CNTN6: variants seen among roughly 807,000 people sequenced by gnomAD.
The protein encoded by CNTN6 is contactin-6.
CNTN6 carries 137 observed loss-of-function variants against 122.8 expected under a neutral mutation model. The ratio of observed to expected loss-of-function variants is 1.12; its 90% CI spans 0.97 to 1.29. The LOEUF (loss-of-function observed/expected upper bound fraction) is 1.29, where lower values mean the gene tolerates loss of function less well. CNTN6 is among the 50% of genes most tolerant of loss of function. The pLI is 0.00. For synonymous variants in CNTN6, 570 were observed against 426.0 expected (o/e 1.34, Z -4.16); for missense variants, 1,634 against 1,223.4 (o/e 1.34, Z -5.01).
At chr3:1,223,082 T>C (rs2094230425) in intron 3 of CNTN6, among the ~76,000 whole-genome samples, 1 of 152,170 alleles carries the variant, frequency 6.6e-6, no homozygotes, top group African/African-American at 2.4e-5. Flanking sequence ...TAAATTTTAT[T>C]TTTTAAAAAG....
chr3:1,118,504 C>T lies in CNTN6; in HGVS notation c.-83+25384C>T, dbSNP rs950152793. On this transcript the variant is annotated intron_variant, in intron 1 of 22. Transcript: ENST00000446702. Reference sequence around the variant, plus strand: ...AATTCACTGATCCAAAGTCCTAAGTCCCCCAATAATGTCCTTTTTCTGTAA... The same window carrying T: ...AATTCACTGATCCAAAGTCCTAAGTTCCCCAATAATGTCCTTTTTCTGTAA... Among the ~76,000 whole-genome samples, 8 of 152,100 alleles carry T rather than the reference C, an allele frequency of 5.3e-5. No homozygotes were observed. In the South Asian group the frequency reaches 1.2e-3, roughly 24 times the overall value.
chr3:1,291,910 A>G lies in CNTN6; in HGVS notation c.455-3691A>G, dbSNP rs1009205023. ...AAAGCATTTTTCAAAAATTAAAAGCAAATTGCATTTATGCATACTTGATCC... is the reference window on the plus strand; with the variant it reads ...AAAGCATTTTTCAAAAATTAAAAGCGAATTGCATTTATGCATACTTGATCC... On this transcript the variant is annotated intron_variant, in intron 5 of 22. Transcript: ENST00000446702. Among the ~76,000 whole-genome samples, 10 of 152,216 alleles carry G rather than the reference A, an allele frequency of 6.6e-5. 1 individual carries two copies. Among genetic ancestry groups the G allele is most frequent in the Admixed American group, 6.5e-4 (10 of 15,286 alleles).
chr3:1,398,590 A>C (rs925300749), intron 20 of CNTN6, among the ~76,000 whole-genome samples: 2 of 152,140 alleles, frequency 1.3e-5, no homozygotes, highest in Non-Finnish European at 2.9e-5. Flanking sequence ...ATAACACCAC[A>C]GTGGAGAACT....
chr3:1,283,888 T>C lies in CNTN6; in HGVS notation c.454+5380T>C, dbSNP rs531639762. Among the ~76,000 whole-genome samples the C allele has an allele frequency of 7.5e-3, 1,142 of 152,256 alleles. 13 individuals are homozygous for C. The highest frequency in any genetic ancestry group is 0.012 in the South Asian group (57 of 4,824). On this transcript the variant is annotated intron_variant, in intron 5 of 22. Coordinates refer to ENST00000446702, the MANE Select transcript of CNTN6 (RefSeq NM_001289080.2). ...GGTGGCAGGCGCCTGTAATCCCAGC[T>C]ACTCTGGGGCTGAGGCAGGAGAATC... is the stretch of plus-strand genomic sequence containing the variant.
At chr3:1,368,888 A>G (rs1708597374) in intron 12 of CNTN6, among the ~76,000 whole-genome samples, 1 of 152,148 alleles carries the variant, frequency 6.6e-6, no homozygotes, top group African/African-American at 2.4e-5. Context: ...CTTTTTCAAA[A>G]AAGACACCCC....
intron 4 of CNTN6, among the ~76,000 whole-genome samples, chr3:1,267,181 T>C (rs1428036258): frequency 6.6e-6 from 1 of 152,042 alleles, no homozygotes; most frequent in Non-Finnish European, 1.5e-5. Flanking sequence ...AGACTCTGTT[T>C]GCTTGCTCTT....
rs117221017 is a variant in CNTN6 at position 1,230,909 on chromosome 3, G to T, written c.358+2916G>T. 2.8e-3 allele frequency among the ~76,000 whole-genome samples: 431 copies of T among 152,272 alleles called. 6 individuals carry two copies. In the East Asian group the frequency reaches 0.049, roughly 17 times the overall value. ...CTTCAGGACAGAATGGGTCAAATAA[G>T]CCTGGTAGTAGAGGCTGGTGATTCC... On this transcript the variant is annotated intron_variant, in intron 4 of 22. Coordinates refer to ENST00000446702, the MANE Select transcript of CNTN6 (RefSeq NM_001289080.2).
At chr3:1,364,512 A>AAAC (rs138744656) in intron 12 of CNTN6, among the ~76,000 whole-genome samples, 5,289 of 151,886 alleles carry the variant, frequency 0.035, 130 homozygotes, top group South Asian at 0.056. Flanking sequence ...GAAGGAAAAA[A>AAAC]AAAACAAAAC....
rs117193774 is a variant in CNTN6 at position 1,308,877 on chromosome 3, A to G, written c.761+10886A>G. Among the ~76,000 whole-genome samples the G allele has an allele frequency of 2.2e-4, 34 of 152,246 alleles. No homozygotes were observed. The East Asian group carries it at 6.6e-3, about 29-fold the overall frequency. ...TTGTTGTTTTAATTGGTAATTCTCT[A>G]ACGGCAAAGGATGTGAACATCTTTT... On this transcript the variant is annotated intron_variant, in intron 7 of 22. Coordinates refer to ENST00000446702, the MANE Select transcript of CNTN6 (RefSeq NM_001289080.2).
Position 1,373,973 on chromosome 3 carries a change from G to T in CNTN6, c.1995G>T (p.Leu665Phe), listed in dbSNP as rs1709492187. The T allele has an allele frequency of 6.2e-7, 1 of 1,613,090 alleles. No individual in the cohort carries two copies. Among genetic ancestry groups the T allele is most frequent in the Non-Finnish European group, 8.5e-7 (1 of 1,179,412 alleles). ...CATACAATGCAACAGTGGTTGGTTT[G>T]AGTCCTTGGGTGGAATATGAATTTC... ...GKTYNATVVG[L>F]SPWVEYEFRV... is the part of the protein sequence containing the mutation. Residue 665 changes from leucine to phenylalanine, a missense_variant, in exon 16 of 23, where the codon TTG (leucine) becomes TTT (phenylalanine). Coordinates refer to ENST00000446702, the MANE Select transcript of CNTN6 (RefSeq NM_001289080.2).
intron 5 of CNTN6, among the ~76,000 whole-genome samples, chr3:1,291,922 T>C (rs971048381): frequency 2.6e-5 from 4 of 152,184 alleles, no homozygotes; most frequent in South Asian, 2.1e-4. Flanking sequence ...ATTGCATTTA[T>C]GCATACTTGA....
intron 12 of CNTN6, among the ~76,000 whole-genome samples, chr3:1,370,162 A>G (rs1708806574): frequency 1.3e-5 from 2 of 152,044 alleles, no homozygotes; most frequent in Non-Finnish European, 2.9e-5. Context: ...AGATCCATAC[A>G]TGGCAGTTGG....
chr3:1,215,729 C>T (rs2094121097), intron 2 of CNTN6, among the ~76,000 whole-genome samples: 1 of 152,018 alleles, frequency 6.6e-6, no homozygotes, highest in Admixed American at 6.6e-5. Flanking sequence ...AGTTACTATT[C>T]CATTTCTTTT....
Position 1,319,505 on chromosome 3 carries a change from GTTAC to G in CNTN6, c.762-2141_762-2138del, listed in dbSNP as rs555206439. Among the ~76,000 whole-genome samples, 176 of 151,584 alleles carry G rather than the reference GTTAC, an allele frequency of 1.2e-3. 1 individual carries two copies. Among genetic ancestry groups the G allele is most frequent in the African/African-American group, 4.2e-3 (172 of 41,402 alleles). ...ATTATCATAATTGTCAAAATGTTCA[GTTAC>G]TTAGGTATTTAGTTATGTTAAAAAA... On this transcript the variant is annotated intron_variant, in intron 7 of 22. Transcript: ENST00000446702.
intron 2 of CNTN6, among the ~76,000 whole-genome samples, chr3:1,156,649 C>T (rs1256220347): frequency 1.3e-5 from 2 of 150,634 alleles, no homozygotes; most frequent in Admixed American, 6.6e-5. Context: ...TTCTTTCTTG[C>T]TCTTGCTCTT....
chr3:1,186,731 T>C (rs886224233), intron 2 of CNTN6, among the ~76,000 whole-genome samples: 47 of 152,204 alleles, frequency 3.1e-4, no homozygotes, highest in African/African-American at 1.1e-3. Context: ...TTTTACAGTG[T>C]GGATGGAGCC....
intron 19 of CNTN6, among the ~76,000 whole-genome samples, chr3:1,384,687 T>TAC (rs1553710040): frequency 0.028 from 3,046 of 110,170 alleles, 295 homozygotes; most frequent in Middle Eastern, 0.097. Flanking sequence ...TATATATATA[T>TAC]ACACACACAC....
Position 1,318,850 on chromosome 3 carries a change from G to A in CNTN6, c.762-2800G>A, listed in dbSNP as rs577296364. ...TTAGCTATAACAGCTTGAGGACAGTGTCCAAAAAGAGATAACATGTACTGG... is the reference window on the plus strand; with the variant it reads ...TTAGCTATAACAGCTTGAGGACAGTATCCAAAAAGAGATAACATGTACTGG... On this transcript the variant is annotated intron_variant, in intron 7 of 22. Transcript: ENST00000446702. 1.5e-3 allele frequency among the ~76,000 whole-genome samples: 229 copies of A among 151,850 alleles called. 1 individual carries two copies. Among genetic ancestry groups the A allele is most frequent in the African/African-American group, 5.3e-3 (220 of 41,478 alleles).
intron 2 of CNTN6, among the ~76,000 whole-genome samples, chr3:1,181,913 C>T (rs1207117408): frequency 1.3e-5 from 2 of 152,104 alleles, no homozygotes; most frequent in South Asian, 4.1e-4. Context: ...TACACTCCAT[C>T]ATAAAATACC....
Sources: allele counts gnomAD v4.1 joint callset (sites outside exome capture counted in the v4.1 genomes callset), GRCh38; gene constraint gnomAD v4.1.1; transcripts MANE v1.5; gene names NCBI Gene and HGNC (gene_info 2026-07-23, HGNC 2026-07-21).